Variants in CLCN1 observed in about 807,000 individuals in gnomAD.
CLCN1 encodes chloride voltage-gated channel 1, also known as chloride channel protein 1.
A neutral mutation model predicts 114.5 loss-of-function variants in CLCN1; 100 were observed. That is an observed-to-expected ratio of 0.87 (90% CI 0.74 to 1.03). The LOEUF is 1.03. Ranked by LOEUF, CLCN1 falls within the 50% of genes least tolerant of loss-of-function variation. The pLI is 0.00. For synonymous variants in CLCN1, 485 were observed against 487.1 expected (o/e 1.00, Z 0.06); for missense variants, 1,188 against 1,250.0 (o/e 0.95, Z 0.75).
At chr7:143,317,456 C>T (rs1392678231) in intron 1 of CLCN1, among the ~76,000 whole-genome samples, 1 of 152,042 alleles carries the variant, frequency 6.6e-6, no homozygotes, top group South Asian at 2.1e-4. Context: ...GCCATGTTGG[C>T]CAGGCTGTCT....
intron 12 of CLCN1, among the ~76,000 whole-genome samples, chr7:143,338,532 T>C (rs1802976703): frequency 6.6e-6 from 1 of 152,080 alleles, no homozygotes; most frequent in African/African-American, 2.4e-5. Flanking sequence ...ACACCTGTAA[T>C]CCCGGCACTT....
At chr7:143,338,278 T>C (rs750480584) in intron 12 of CLCN1, among the ~76,000 whole-genome samples, 10 of 152,192 alleles carry the variant, frequency 6.6e-5, no homozygotes, top group Non-Finnish European at 1.3e-4. Flanking sequence ...TTATCAGGCT[T>C]TCTCAATTTA....
In CLCN1 at chr7:143,321,577, A is replaced by G. The variant is rs560007562; in HGVS notation, c.562+84A>G. 1.2e-6 allele frequency: 2 copies of G among 1,608,028 alleles called. No individual in the cohort carries two copies. The highest frequency in any genetic ancestry group is 1.1e-5 in the South Asian group (1 of 90,914). ...TCTCCCCCATCATCCAGCCCCACCC[A>G]CAGCCCTGTGCTGCCTTGCCCCATC... On this transcript the variant is annotated intron_variant, in intron 4 of 22. Transcript: ENST00000343257. The surrounding 1 kb of genome is among the most constrained non-coding windows in gnomAD (Gnocchi z 4.2).
At chr7:143,351,104 T>C (rs1385455586) in intron 22 of CLCN1, among the ~76,000 whole-genome samples, 3 of 152,070 alleles carry the variant, frequency 2.0e-5, no homozygotes, top group Non-Finnish European at 4.4e-5. Flanking sequence ...ATGCAGAGAT[T>C]GGAGGGGGTA....
intron 12 of CLCN1, among the ~76,000 whole-genome samples, chr7:143,337,246 TA>T (rs1802928389): frequency 6.6e-6 from 1 of 152,210 alleles, no homozygotes; most frequent in African/African-American, 2.4e-5. Context: ...CCTACTCACC[TA>T]GCTACACCCT....
chr7:143,326,008 T>TTTTG (rs113564889), intron 7 of CLCN1, among the ~76,000 whole-genome samples: 252 of 152,068 alleles, frequency 1.7e-3, no homozygotes, highest in Non-Finnish European at 2.3e-3. Context: ...TACTTGTTTT[T>TTTTG]TTTGTTTGTT....
chr7:143,335,828 T>C (rs1802868475), intron 12 of CLCN1, among the ~76,000 whole-genome samples: 4 of 151,860 alleles, frequency 2.6e-5, no homozygotes, highest in African/African-American at 9.7e-5. Context: ...CCCAGCTAAT[T>C]TTTTTGTATT....
intron 7 of CLCN1, among the ~76,000 whole-genome samples, chr7:143,327,725 G>A (rs1802611732): frequency 6.6e-6 from 1 of 152,250 alleles, no homozygotes; most frequent in South Asian, 2.1e-4. Flanking sequence ...CGCAATTTTG[G>A]CTCACTGCAA....
intron 20 of CLCN1, among the ~76,000 whole-genome samples, chr7:143,347,726 C>T (rs1803293978): frequency 6.6e-6 from 1 of 151,328 alleles, no homozygotes; most frequent in South Asian, 2.1e-4. Flanking sequence ...CTGGAAAATG[C>T]TAGGCATTGC....
rs749623808 is a variant in CLCN1, at chr7:143,342,354, T to C, written c.1797-18T>C. On this transcript the variant is annotated intron_variant, in intron 15 of 22. Transcript: ENST00000343257. ...GGTATACGGTGGGGCTAACCCACCA[T>C]GCTTTCTCCCTCCATAGCAAATATA... The C allele has an allele frequency of 4.3e-6, 7 of 1,614,006 alleles. No homozygotes were observed. The highest frequency in any genetic ancestry group is 5.9e-6 in the Non-Finnish European group (7 of 1,179,988).
intron 17 of CLCN1, 22 bp downstream of exon 17, chr7:143,345,784 A>G (rs756223216): frequency 1.4e-5 from 21 of 1,471,744 alleles, no homozygotes; most frequent in Middle Eastern, 1.9e-4. Context: ...GGGAAGGGCT[A>G]GGGAGTGGGA....
intron 12 of CLCN1, among the ~76,000 whole-genome samples, chr7:143,334,660 A>T (rs1802823519): frequency 6.6e-6 from 1 of 152,316 alleles, no homozygotes; most frequent in African/African-American, 2.4e-5. Flanking sequence ...GAGACAGCAG[A>T]TACGTGAAAC....
intron 14 of CLCN1, among the ~76,000 whole-genome samples, chr7:143,340,553 T>C (rs1440729473): frequency 2.0e-5 from 3 of 152,186 alleles, no homozygotes; most frequent in Non-Finnish European, 2.9e-5. Flanking sequence ...TCTCTTCTTT[T>C]ATTTCCAGAG....
intron 11 of CLCN1, 98 bp from the exon 12 acceptor site, chr7:143,332,626 G>A: frequency 6.5e-7 from 1 of 1,548,328 alleles, no homozygotes; most frequent in South Asian, 1.1e-5. Flanking sequence ...AAGGGCAAAA[G>A]AGACCCTTGA....
chr7:143,320,640 G>GT lies in CLCN1; in HGVS notation c.302-18dup, dbSNP rs750369481. On this transcript the variant is annotated intron_variant, in intron 2 of 22. Transcript: ENST00000343257. ...TTGTTTGTTTGTTGTTTGTTTGTTT[G>GT]TTTTTTCCCTCATCTCTTCCTAGAT... 3.2e-6 allele frequency: 5 copies of GT among 1,583,000 alleles called. No homozygotes were observed. In the African/African-American group the frequency reaches 6.9e-5, roughly 22 times the overall value.
At chr7:143,345,904 G>A in intron 17 of CLCN1, 142 bp downstream of exon 17, 2 of 1,223,676 alleles carry the variant, frequency 1.6e-6, no homozygotes, top group South Asian at 2.8e-5. Context: ...TCTGGTAACT[G>A]AGAAAGCCAG....
intron 20 of CLCN1, among the ~76,000 whole-genome samples, chr7:143,348,388 A>G (rs929057716): frequency 2.0e-5 from 3 of 152,144 alleles, no homozygotes; most frequent in African/African-American, 7.2e-5. Context: ...TTAATGCACC[A>G]AAGAGAGAAA....
intron 7 of CLCN1, among the ~76,000 whole-genome samples, chr7:143,325,291 A>G (rs1296763779): frequency 6.6e-6 from 1 of 152,244 alleles, no homozygotes; most frequent in Non-Finnish European, 1.5e-5. Context: ...TGCTTCTTAA[A>G]TGACCCACTG....
At chr7:143,348,919 A>G (rs145943444) in intron 20 of CLCN1, among the ~76,000 whole-genome samples, 126 of 152,356 alleles carry the variant, frequency 8.3e-4, no homozygotes, top group Middle Eastern at 3.4e-3. Context: ...CTGACTGTGT[A>G]ATCCTGGGCA....
Sources: gnomAD v4.1 joint callset for allele counts (sites outside exome capture counted in the v4.1 genomes callset) on GRCh38, gnomAD v4.1.1 for gene constraint, Gnocchi (gnomAD v3.1) non-coding constraint, MANE v1.5 for transcripts, NCBI Gene and HGNC (gene_info 2026-07-23, HGNC 2026-07-21) for gene names.